Variants in C8B observed in about 807,000 individuals in gnomAD.
C8B encodes complement C8 beta chain.
A neutral mutation model predicts 64.6 loss-of-function variants in C8B; 67 were observed. The observed-to-expected ratio is 1.04, with a 90% CI of 0.85 to 1.27. The LOEUF is 1.27. C8B is among the 50% of genes most tolerant of loss of function. C8B has a pLI of 0.00. For synonymous variants in C8B, 284 were observed against 257.7 expected, an observed-to-expected ratio of 1.10 and a Z score of -0.98; for missense variants, 790 against 725.2, an observed-to-expected ratio of 1.09 and a Z score of -1.03.
Position 56,941,308 on chromosome 1 carries a change from A to T in C8B, c.1235-296T>A, listed in dbSNP as rs550472553. Among the ~76,000 whole-genome samples, 17 of 152,308 alleles carry T rather than the reference A, an allele frequency of 1.1e-4. 1 individual carries two copies. The South Asian group carries it at 3.5e-3, about 32-fold the overall frequency. On this transcript the variant is annotated intron_variant, in intron 8 of 11. Transcript: ENST00000371237. ...GGAAGATAGATGATAGCTAGATTAG[A>T]TAGATAAATAAATAGATAATAGGTA...
intron 5 of C8B, among the ~76,000 whole-genome samples, chr1:56,950,251 G>A (rs977950955): frequency 4.6e-5 from 7 of 152,218 alleles, no homozygotes; most frequent in African/African-American, 9.6e-5. Flanking sequence ...TCAGGAAGAT[G>A]ATGTGGGACA....
Position 56,954,666 on chromosome 1 carries a change from A to G in C8B, c.533+20T>C. 1 of 1,614,094 alleles carries G rather than the reference A, an allele frequency of 6.2e-7. No individual in the cohort carries two copies. The highest frequency in any genetic ancestry group is 8.5e-7 in the Non-Finnish European group (1 of 1,179,938). ...AATGCTGTGCCTTCCCATCTACGCC[A>G]CAGAAAAATGGTCACTTACCCACTG... On this transcript the variant is annotated intron_variant, in intron 4 of 11. Transcript: ENST00000371237.
intron 2 of C8B, chr1:56,959,715 T>C (rs1645149921): frequency 2.0e-6 from 2 of 1,011,296 alleles, no homozygotes; most frequent in Admixed American, 2.3e-5. Flanking sequence ...AACTCAGACA[T>C]ACACTATGAT....
intron 1 of C8B, among the ~76,000 whole-genome samples, chr1:56,961,789 C>T (rs144329262): frequency 1.2e-3 from 188 of 152,102 alleles, no homozygotes; most frequent in African/African-American, 4.0e-3. Context: ...TGTCCATGAC[C>T]GCCACAGAGA....
intron 9 of C8B, among the ~76,000 whole-genome samples, chr1:56,935,961 A>G (rs1644769278): frequency 6.6e-6 from 1 of 152,228 alleles, no homozygotes; most frequent in Non-Finnish European, 1.5e-5. Context: ...ACATGATTCC[A>G]TCGTCTTTGA....
In C8B at chr1:56,949,586, T is replaced by G; in HGVS notation, c.833A>C (p.Tyr278Ser). ...ISSQSDRGKH[Y>S]IRRTKRFSHT... Reference sequence around the variant, plus strand: ...AGAGAATCGTTTGGTTCTCCTAATATAGTGTTTGCCTCGATCACTTTGACT... The same window carrying G: ...AGAGAATCGTTTGGTTCTCCTAATAGAGTGTTTGCCTCGATCACTTTGACT... Residue 278 changes from tyrosine (Y) to serine (S), a missense_variant, in exon 6 of 12, where the codon TAT (tyrosine) becomes TCT (serine). Tyr to Ser is a moderately radical substitution (Grantham distance 144, BLOSUM62 -2). Transcript: ENST00000371237. 1 of 1,614,036 alleles carries G rather than the reference T, an allele frequency of 6.2e-7. No individual in the cohort carries two copies. Among genetic ancestry groups the G allele is most frequent in the Non-Finnish European group, 8.5e-7 (1 of 1,179,950 alleles).
intron 11 of C8B, chr1:56,931,510 T>C (rs684304): frequency 0.35 from 129,117 of 368,366 alleles, 24,213 homozygotes; most frequent in East Asian, 0.51. Flanking sequence ...TGAATAGCAG[T>C]ATACTAAGCA....
intron 2 of C8B, among the ~76,000 whole-genome samples, chr1:56,957,381 A>G (rs867619932): frequency 1.3e-5 from 2 of 152,178 alleles, no homozygotes; most frequent in Non-Finnish European, 2.9e-5. Flanking sequence ...ATGCAAAAAC[A>G]TGGGCTTTGG....
At chr1:56,950,663 C>T (rs976330908) in intron 5 of C8B, among the ~76,000 whole-genome samples, 7 of 152,176 alleles carry the variant, frequency 4.6e-5, no homozygotes, top group African/African-American at 1.7e-4. Context: ...CTGAGATGCG[C>T]TGTGTCTCTG....
chr1:56,951,390 T>C (rs1215729274), intron 5 of C8B, among the ~76,000 whole-genome samples: 1 of 152,174 alleles, frequency 6.6e-6, no homozygotes, highest in Non-Finnish European at 1.5e-5. Context: ...GAGCCAGTCC[T>C]GGAACCCAGT....
At chr1:56,941,173 A>G (rs1644849018) in intron 8 of C8B, among the ~76,000 whole-genome samples, 161 bp from the exon 9 acceptor site, 1 of 152,202 alleles carries the variant, frequency 6.6e-6, no homozygotes, top group Non-Finnish European at 1.5e-5. Flanking sequence ...GTCATGGTGC[A>G]TGGGGCAAAG....
intron 11 of C8B, 28 bp downstream of exon 11, chr1:56,931,782 C>A (rs1461523908): frequency 1.3e-6 from 2 of 1,521,740 alleles, no homozygotes; most frequent in Middle Eastern, 1.7e-4. Flanking sequence ...TCTGGACCTC[C>A]CCAGAGTTCC....
chr1:56,954,630 G>T (rs1645075066), intron 4 of C8B, 56 bp downstream of exon 4: 1 of 1,607,664 alleles, frequency 6.2e-7, no homozygotes, highest in African/African-American at 1.3e-5. Context: ...CTATCCGCCA[G>T]AATTCCATTT....
At chr1:56,930,074 C>T (rs1007641414) in intron 11 of C8B, among the ~76,000 whole-genome samples, 9 of 152,150 alleles carry the variant, frequency 5.9e-5, no homozygotes, top group Admixed American at 5.9e-4. Flanking sequence ...ACAGGAGGCC[C>T]TTGCTAAACA....
chr1:56,951,959 G>T, intron 5 of C8B, 89 bp downstream of exon 5: 14 of 632,906 alleles, frequency 2.2e-5, no homozygotes, highest in Non-Finnish European at 3.0e-5. Flanking sequence ...AAAGAGAAAA[G>T]GGCTAGCAGG....
intron 7 of C8B, among the ~76,000 whole-genome samples, chr1:56,945,068 G>T (rs1401038191): frequency 6.6e-6 from 1 of 152,168 alleles, no homozygotes; most frequent in Admixed American, 6.5e-5. Context: ...GTAAAGTATG[G>T]TCTATTGGCC....
Position 56,952,077 on chromosome 1 carries a change from G to T in C8B, c.637C>A (p.Pro213Thr). The T allele has an allele frequency of 6.2e-7, 1 of 1,614,128 alleles. No individual in the cohort carries two copies. Among genetic ancestry groups the T allele is most frequent in the Non-Finnish European group, 8.5e-7 (1 of 1,180,014 alleles). ...GGCGTGTAGCTTTCCACATTGTAGG[G>T]CTTCCTAAACCTCGTGTTCAGGATG... ...HYILNTRFRK[P>T]YNVESYTPQT... The change falls in exon 5 of 12, where the codon CCC becomes ACC. Residue 213 changes from proline to threonine, a missense_variant. Transcript: ENST00000371237.
At chr1:56,954,149 G>A (rs755030785) in intron 4 of C8B, among the ~76,000 whole-genome samples, 4 of 152,010 alleles carry the variant, frequency 2.6e-5, no homozygotes, top group Non-Finnish European at 5.9e-5. Flanking sequence ...GGCCAGTGTG[G>A]CCCCTTCTGA....
Position 56,938,830 on chromosome 1 carries a change from GGCT to G in C8B, c.1398+2016_1398+2018del, listed in dbSNP as rs1273969986. Among the ~76,000 whole-genome samples the G allele has an allele frequency of 1.2e-4, 19 of 152,248 alleles. No individual in the cohort carries two copies. In the South Asian group the frequency reaches 3.9e-3, roughly 32 times the overall value. On this transcript the variant is annotated intron_variant, in intron 9 of 11. Coordinates refer to ENST00000371237, the MANE Select transcript of C8B (RefSeq NM_000066.4). ...TGCCACTCCAGCTACCTGGTAAGTT[GGCT>G]TTGCGGAGAAGAATTATTCTGACAT...
Sources: allele counts gnomAD v4.1 joint callset (sites outside exome capture counted in the v4.1 genomes callset), GRCh38; gene constraint gnomAD v4.1.1; transcripts MANE v1.5; gene names NCBI Gene and HGNC (gene_info 2026-07-23, HGNC 2026-07-21).